TFB1M: variants seen among roughly 807,000 people sequenced by gnomAD.
The protein encoded by TFB1M is transcription factor B1, mitochondrial.
Under a neutral mutation model 31.1 loss-of-function variants are expected in TFB1M, and 27 were observed. That is an observed-to-expected ratio of 0.87 (90% CI 0.64 to 1.20). TFB1M has a LOEUF of 1.20. Ranked by LOEUF, TFB1M falls within the 50% of genes most tolerant of loss-of-function variation. TFB1M has a pLI of 0.00. For synonymous variants in TFB1M, 166 were observed against 151.8 expected, an observed-to-expected ratio of 1.09 and a Z score of -0.69; for missense variants, 394 against 418.7, an observed-to-expected ratio of 0.94 and a Z score of 0.51.
intron 2 of TFB1M, among the ~76,000 whole-genome samples, chr6:155,310,082 A>C (rs564895370): frequency 6.6e-6 from 1 of 152,348 alleles, no homozygotes; most frequent in Non-Finnish European, 1.5e-5. Flanking sequence ...CTAGGTTTTC[A>C]AAAACAACTT....
chr6:155,314,090 G>A lies in TFB1M; in HGVS notation c.133+206C>T, dbSNP rs954246921. Reference sequence around the variant, plus strand: ...GCCGGCAGGCTACACCCCCCCGAACGCGGAGTTTTGTGAGCAATCAACGCA... The same window carrying A: ...GCCGGCAGGCTACACCCCCCCGAACACGGAGTTTTGTGAGCAATCAACGCA... On this transcript the variant is annotated intron_variant, in intron 1 of 6. Transcript: ENST00000367166. 9 of 1,447,724 alleles carry A rather than the reference G, an allele frequency of 6.2e-6. No homozygotes were observed. In the Admixed American group the frequency reaches 1.4e-4, roughly 23 times the overall value. 89.7% of individuals were successfully genotyped at this position (1,447,724 alleles called of 1,614,324 possible). A position where few individuals can be genotyped will look rare whatever the true frequency, so the allele number is the denominator to read the frequency against.
At chr6:155,300,493 C>T (rs79018214) in intron 2 of TFB1M, among the ~76,000 whole-genome samples, 8 of 152,132 alleles carry the variant, frequency 5.3e-5, no homozygotes, top group Non-Finnish European at 1.2e-4. Context: ...TATTTAATCA[C>T]AGTACTTATC....
Position 155,257,275 on chromosome 6 carries a change from TATTTTA to T in TFB1M, c.*555_*560del. The T allele has an allele frequency of 2.4e-6, 2 of 838,130 alleles. No homozygotes were observed. The highest frequency in any genetic ancestry group is 3.7e-5 in the South Asian group (2 of 53,510). 51.9% of individuals were successfully genotyped at this position (838,130 alleles called of 1,614,324 possible). The stretch of plus-strand genomic sequence containing the variant: ...ACAAAATGGTTGTAAAGATTTAAGT[TATTTTA>T]ATTTATTGTGGATCAGAAACCTAGA... On this transcript the variant is annotated 3_prime_UTR_variant, in exon 7 of 7. Transcript: ENST00000367166.
downstream of TFB1M, chr6:155,253,886 C>T: frequency 1.0e-6 from 1 of 959,294 alleles, no homozygotes; most frequent in South Asian, 1.7e-5. Flanking sequence ...ACTTTCTTAA[C>T]TGATGAGATT....
At chr6:155,247,915 A>G in the TFB1M span, 2 of 1,461,634 alleles carry the variant, frequency 1.4e-6, no homozygotes, top group East Asian at 2.3e-5. Flanking sequence ...ATAGAAATAG[A>G]TGATCTATAA....
chr6:155,244,967 T>G, the TFB1M span: 1 of 730,008 alleles, frequency 1.4e-6, no homozygotes, highest in Non-Finnish European at 2.0e-6. Context: ...ATATATTTTT[T>G]TTTCCTGGCG....
At chr6:155,306,321 CCACAGGACCCGGATATTCTA>C (rs1777761708) in intron 2 of TFB1M, among the ~76,000 whole-genome samples, 1 of 152,078 alleles carries the variant, frequency 6.6e-6, no homozygotes, top group African/African-American at 2.4e-5. Context: ...TATACGTCTA[CCACAGGACCCGGATATTCTA>C]CACAGGACCC....
intron 1 of TFB1M, chr6:155,314,046 C>G (rs755130835): frequency 9.5e-6 from 13 of 1,367,490 alleles, no homozygotes; most frequent in Non-Finnish European, 1.1e-5. Context: ...CCCTAGGGAG[C>G]TTGGCATTTA....
chr6:155,314,079 C>CA, intron 1 of TFB1M: 1 of 1,416,324 alleles, frequency 7.1e-7, no homozygotes. Context: ...GCAGGCTACA[C>CA]CCCCCCGAAC....
the TFB1M span, among the ~76,000 whole-genome samples, chr6:155,241,629 T>A: frequency 6.6e-6 from 1 of 152,124 alleles, no homozygotes; most frequent in Admixed American, 6.5e-5. Flanking sequence ...ATGTCGCTGT[T>A]TTACCAGGAC....
chr6:155,285,324 G>A (rs370291852), intron 4 of TFB1M, 47 bp from the exon 5 acceptor site: 8 of 1,609,358 alleles, frequency 5.0e-6, no homozygotes, highest in South Asian at 1.1e-5. Flanking sequence ...AGTCCAGCCT[G>A]ATTAGATGAA....
the TFB1M span, among the ~76,000 whole-genome samples, chr6:155,231,638 C>G: frequency 6.6e-6 from 1 of 152,320 alleles, no homozygotes; most frequent in Admixed American, 6.5e-5. Context: ...CCAGCTTCCC[C>G]CCAAGCACTA....
chr6:155,254,755 C>T (rs955737477), downstream of TFB1M: 26 of 666,150 alleles, frequency 3.9e-5, no homozygotes, highest in Non-Finnish European at 5.9e-5. Context: ...AATACAGCCA[C>T]CCCCAACCCC....
chr6:155,234,004 G>GT, the TFB1M span, among the ~76,000 whole-genome samples: 3 of 144,584 alleles, frequency 2.1e-5, no homozygotes, highest in South Asian at 2.2e-4. Context: ...AATTTTTTTT[G>GT]GGGGGGGGTT....
At chr6:155,260,579 A>T in intron 5 of TFB1M, 179 bp from the exon 6 acceptor site, 1 of 751,034 alleles carries the variant, frequency 1.3e-6, no homozygotes, top group Non-Finnish European at 2.3e-6. Context: ...CTGGATTCGC[A>T]AATGACATGG....
downstream of TFB1M, chr6:155,256,075 G>A (rs1201084563): frequency 8.4e-6 from 2 of 238,948 alleles, no homozygotes; most frequent in Non-Finnish European, 1.6e-5. Context: ...AATCCACAAG[G>A]TGAGAAGATG....
chr6:155,313,657 G>C (rs1454066160), intron 1 of TFB1M, among the ~76,000 whole-genome samples: 2 of 152,092 alleles, frequency 1.3e-5, no homozygotes, highest in African/African-American at 4.8e-5. Context: ...CTCATAAAAA[G>C]TAACTTTAAA....
intron 2 of TFB1M, among the ~76,000 whole-genome samples, chr6:155,301,896 T>TC (rs2114790791): frequency 6.6e-6 from 1 of 152,310 alleles, no homozygotes; most frequent in South Asian, 2.1e-4. Context: ...AATTTTTTTT[T>TC]CCCTGGTATT....
the TFB1M span, chr6:155,244,605 T>C: frequency 6.3e-7 from 1 of 1,585,964 alleles, no homozygotes; most frequent in Non-Finnish European, 8.6e-7. Context: ...GTTAGCGTGG[T>C]GTCCTGAACT....
Sources: allele counts gnomAD v4.1 joint callset (sites outside exome capture counted in the v4.1 genomes callset), GRCh38; gene constraint gnomAD v4.1.1; transcripts MANE v1.5; gene names NCBI Gene and HGNC (gene_info 2026-07-23, HGNC 2026-07-21).